Variants in ANKRD28 observed in about 807,000 individuals in gnomAD.
The protein encoded by ANKRD28 is ankyrin repeat domain 28, also known as serine/threonine-protein phosphatase 6 regulatory ankyrin repeat subunit A.
A neutral mutation model predicts 126.5 loss-of-function variants in ANKRD28; 44 were observed. The ratio of observed to expected loss-of-function variants is 0.35; its 90% CI spans 0.27 to 0.45. The LOEUF is 0.45. ANKRD28 is among the 20% of genes least tolerant of loss of function. ANKRD28 has a pLI of 1.00. For missense variants in ANKRD28, 1,110 were observed against 1,316.6 expected (o/e 0.84, Z 2.43); for synonymous variants, 442 against 468.5 (o/e 0.94, Z 0.73).
intron 1 of ANKRD28, among the ~76,000 whole-genome samples, chr3:15,858,866 C>T (rs2061832212): frequency 6.6e-6 from 1 of 152,164 alleles, no homozygotes; most frequent in Non-Finnish European, 1.5e-5. Flanking sequence ...AGATGGTGCA[C>T]AAAATGTCAA....
intron 1 of ANKRD28, among the ~76,000 whole-genome samples, chr3:15,811,557 C>T (rs970206468): frequency 6.6e-6 from 1 of 152,000 alleles, no homozygotes; most frequent in Non-Finnish European, 1.5e-5. Flanking sequence ...TGGGTTCAAG[C>T]GATTCTCCTG....
intron 1 of ANKRD28, among the ~76,000 whole-genome samples, chr3:15,823,547 C>G (rs1031560506): frequency 6.6e-6 from 1 of 152,128 alleles, no homozygotes; most frequent in Non-Finnish European, 1.5e-5. Context: ...ACAAATAGCG[C>G]TAGGACAACT....
intron 12 of ANKRD28, among the ~76,000 whole-genome samples, chr3:15,710,229 C>T (rs1451451353): frequency 6.6e-6 from 1 of 152,150 alleles, no homozygotes; most frequent in African/African-American, 2.4e-5. Flanking sequence ...TTCTCCTATA[C>T]TATGACTGTT....
intron 17 of ANKRD28, among the ~76,000 whole-genome samples, chr3:15,693,322 G>T (rs886867774): frequency 3.3e-5 from 5 of 151,256 alleles, no homozygotes; most frequent in Admixed American, 1.3e-4. Flanking sequence ...ATAGTAATGG[G>T]GGGGCAGAGA....
intron 1 of ANKRD28, among the ~76,000 whole-genome samples, chr3:15,855,351 CA>C (rs199862683): frequency 3.3e-5 from 5 of 150,690 alleles, no homozygotes; most frequent in East Asian, 1.9e-4. Flanking sequence ...CAAAACAAAA[CA>C]AAAAAAAACC....
Position 15,678,644 on chromosome 3 carries a change from T to G in ANKRD28, c.2562-290A>C, listed in dbSNP as rs541630669. Reference sequence around the variant, plus strand: ...TCATTAAAGGAAATTTTGAAAGAAATAAATCCTAATCTGAATACCACCACT... The same window carrying G: ...TCATTAAAGGAAATTTTGAAAGAAAGAAATCCTAATCTGAATACCACCACT... On this transcript the variant is annotated intron_variant, in intron 23 of 27. Transcript: ENST00000683139. Among the ~76,000 whole-genome samples the G allele has an allele frequency of 3.9e-5, 6 of 152,266 alleles. No individual in the cohort carries two copies. The South Asian group carries it at 1.2e-3, about 32-fold the overall frequency.
intron 15 of ANKRD28, 59 bp downstream of exon 15, chr3:15,696,075 G>T: frequency 1.7e-6 from 2 of 1,147,652 alleles, no homozygotes; most frequent in Non-Finnish European, 1.2e-6. Flanking sequence ...TCTCATTTTT[G>T]TTACATTATT....
intron 4 of ANKRD28, among the ~76,000 whole-genome samples, chr3:15,739,248 T>C (rs2075272505): frequency 2.0e-5 from 3 of 152,184 alleles, no homozygotes; most frequent in Admixed American, 1.3e-4. Context: ...GAATAATGAC[T>C]GGGGAAGTGA....
In ANKRD28 at chr3:15,678,319, A is replaced by G. The variant is rs2067170899; in HGVS notation, c.2597T>C (p.Val866Ala). 5 of 1,611,570 alleles carry G rather than the reference A, an allele frequency of 3.1e-6. No homozygotes were observed. The highest frequency in any genetic ancestry group is 4.2e-6 in the Non-Finnish European group (5 of 1,178,988). Residue 866 changes from valine to alanine, a missense_variant, in exon 24 of 28, where the codon GTA (valine) becomes GCA (alanine). Transcript: ENST00000683139. The part of the protein sequence containing the change: ...PLHAAAFTDH[V>A]ECLQLLLSHN... ...GCTGAGCAGCAGCTGTAAACACTCT[A>G]CATGGTCTGTGAAGGCGGCTGCATG... is the stretch of plus-strand genomic sequence containing the variant.
At chr3:15,728,872 T>C (rs1453670604) in intron 6 of ANKRD28, among the ~76,000 whole-genome samples, 1 of 152,240 alleles carries the variant, frequency 6.6e-6, no homozygotes, top group Non-Finnish European at 1.5e-5. Context: ...GGGTTGGTTA[T>C]ACTGTGTGAT....
chr3:15,683,626 C>G (rs1190770445), intron 21 of ANKRD28: 2 of 152,088 alleles, frequency 1.3e-5, no homozygotes, highest in Non-Finnish European at 2.9e-5. Context: ...GAAGGATAAC[C>G]AACAGTATAA....
intron 7 of ANKRD28, 34 bp from the exon 8 acceptor site, chr3:15,721,161 T>A: frequency 1.3e-6 from 2 of 1,567,902 alleles, no homozygotes; most frequent in Non-Finnish European, 1.7e-6. Context: ...AATGTTAAAG[T>A]AGTTTTGCTA....
intron 1 of ANKRD28, among the ~76,000 whole-genome samples, chr3:15,848,127 C>T (rs2061565238): frequency 6.6e-6 from 1 of 152,132 alleles, no homozygotes; most frequent in Non-Finnish European, 1.5e-5. Flanking sequence ...GAATTTGGGG[C>T]AACACAAATG....
At chr3:15,831,696 T>G (rs1371319317) in intron 1 of ANKRD28, among the ~76,000 whole-genome samples, 1 of 152,214 alleles carries the variant, frequency 6.6e-6, no homozygotes, top group Non-Finnish European at 1.5e-5. Flanking sequence ...CCTTCCTGCC[T>G]TTCCTAATGT....
chr3:15,695,284 T>C (rs183621140), intron 15 of ANKRD28, 70 bp from the exon 16 acceptor site: 9 of 1,181,848 alleles, frequency 7.6e-6, no homozygotes, highest in Admixed American at 2.0e-5. Context: ...TCAACTTATA[T>C]AGAGCTTTGC....
intron 2 of ANKRD28, among the ~76,000 whole-genome samples, chr3:15,779,216 CAAAGGA>C (rs1312574815): frequency 6.6e-6 from 1 of 152,072 alleles, no homozygotes; most frequent in Admixed American, 6.6e-5. Flanking sequence ...TAAGACGAGG[CAAAGGA>C]AGAGGGTGAG....
At chr3:15,829,358 G>T (rs1029018685) in intron 1 of ANKRD28, among the ~76,000 whole-genome samples, 7 of 152,140 alleles carry the variant, frequency 4.6e-5, no homozygotes, top group African/African-American at 1.4e-4. Context: ...AGTATATGAA[G>T]AAAATCTATA....
intron 1 of ANKRD28, among the ~76,000 whole-genome samples, chr3:15,819,051 G>A (rs2060889366): frequency 6.6e-6 from 1 of 152,184 alleles, no homozygotes; most frequent in African/African-American, 2.4e-5. Flanking sequence ...GACAAGGTGG[G>A]AGGACTGCTT....
At chr3:15,770,678 A>C (rs887046951) in intron 2 of ANKRD28, among the ~76,000 whole-genome samples, 5 of 152,184 alleles carry the variant, frequency 3.3e-5, no homozygotes, top group Non-Finnish European at 7.3e-5. Flanking sequence ...GTAGGGAATA[A>C]GCCATCCCAA....
Sources: gnomAD v4.1 joint callset for allele counts (sites outside exome capture counted in the v4.1 genomes callset) on GRCh38, gnomAD v4.1.1 for gene constraint, MANE v1.5 for transcripts, NCBI Gene and HGNC (gene_info 2026-07-23, HGNC 2026-07-21) for gene names.